IQSEC1: variants seen among roughly 807,000 people sequenced by gnomAD.
IQSEC1 encodes IQ motif and Sec7 domain ArfGEF 1.
A neutral mutation model predicts 91.0 loss-of-function variants in IQSEC1; 31 were observed. That is an observed-to-expected ratio of 0.34 (90% CI 0.26 to 0.46). The LOEUF (loss-of-function observed/expected upper bound fraction) is 0.46, where lower values mean the gene tolerates loss of function less well. Among genes scored for constraint, IQSEC1 ranks in the 20% least tolerant of loss-of-function variants. IQSEC1 has a pLI of 1.00. For missense variants in IQSEC1, 1,388 were observed against 1,575.6 expected (o/e 0.88, Z 2.02); for synonymous variants, 699 against 662.6 (o/e 1.05, Z -0.84).
intron 1 of IQSEC1, among the ~76,000 whole-genome samples, chr3:13,060,417 G>A (rs1030530712): frequency 1.3e-5 from 2 of 152,196 alleles, no homozygotes; most frequent in African/African-American, 2.4e-5. Context: ...GGCTGGATCC[G>A]GGTTTGAAGT....
At chr3:13,204,795 ATCTT>A (rs1199239107) in intron 1 of IQSEC1, among the ~76,000 whole-genome samples, 10 of 127,816 alleles carry the variant, frequency 7.8e-5, no homozygotes, top group African/African-American at 2.6e-4. Context: ...TTCTCTTTCT[ATCTT>A]TCTTTCTTTT....
chr3:13,202,565 G>A (rs996893950), intron 1 of IQSEC1, among the ~76,000 whole-genome samples: 14 of 152,164 alleles, frequency 9.2e-5, no homozygotes, highest in African/African-American at 3.4e-4. Context: ...CCCTAGATGA[G>A]GTCCCTGGAG....
At chr3:13,068,361 C>T (rs1705305471) in intron 1 of IQSEC1, among the ~76,000 whole-genome samples, 1 of 152,246 alleles carries the variant, frequency 6.6e-6, no homozygotes, top group South Asian at 2.1e-4. Flanking sequence ...CAGACAGGGT[C>T]TCTAAGTCCC....
At chr3:13,240,581 C>T (rs1045957527) in intron 1 of IQSEC1, among the ~76,000 whole-genome samples, 1 of 152,164 alleles carries the variant, frequency 6.6e-6, no homozygotes, top group Non-Finnish European at 1.5e-5. Context: ...GAGGGTCTCA[C>T]GGGCTGCAGT....
In IQSEC1 at chr3:12,941,850, G is replaced by A; in HGVS notation, c.39C>T (p.Ala13=). Residue 13 remains alanine (A), a synonymous_variant, in exon 2 of 14, where the codon GCC becomes GCT. Transcript: ENST00000613206. ...CRRRYFVEGE[A]PSSETGTSLD... is the part of the protein sequence containing the mutation. ...GGGATGTGCCAGTCTCACTGCTGGG[G>A]GCCTCGCCCTCGACGCTGCAGAGGA... is the stretch of plus-strand genomic sequence containing the variant. The A allele has an allele frequency of 6.2e-7, 1 of 1,601,976 alleles. No individual in the cohort carries two copies. The highest frequency in any genetic ancestry group is 8.5e-7 in the Non-Finnish European group (1 of 1,174,766).
In IQSEC1 at chr3:13,106,166, C is replaced by A. The variant is rs184334344; in HGVS notation, c.302+57938G>T. On this transcript the variant is annotated intron_variant, in intron 2 of 15. Transcript: ENST00000648114. ...GAGAGGAATCCATATCCAGCTACTG[C>A]CCAGAAGCCTTCCATAATCTCAGCC... Among the ~76,000 whole-genome samples the A allele has an allele frequency of 2.1e-3, 318 of 152,304 alleles. 1 individual carries two copies. Among genetic ancestry groups the A allele is most frequent in the African/African-American group, 7.4e-3 (306 of 41,554 alleles).
At chr3:13,203,607 CAAA>C (rs1454290678) in intron 1 of IQSEC1, among the ~76,000 whole-genome samples, 1 of 152,208 alleles carries the variant, frequency 6.6e-6, no homozygotes, top group Admixed American at 6.5e-5. Flanking sequence ...CACGAATCAG[CAAA>C]CCCCACCAGC....
chr3:12,947,163 C>T (rs543123169), intron 1 of IQSEC1, among the ~76,000 whole-genome samples: 14 of 152,242 alleles, frequency 9.2e-5, no homozygotes, highest in Non-Finnish European at 1.9e-4. Flanking sequence ...AAGCCTCTGA[C>T]AGGCTGACAA....
At chr3:13,233,609 TA>T (rs1694871470) in intron 1 of IQSEC1, among the ~76,000 whole-genome samples, 1 of 152,172 alleles carries the variant, frequency 6.6e-6, no homozygotes, top group Admixed American at 6.5e-5. Flanking sequence ...CAGCTCGACA[TA>T]ACCCCACTCT....
intron 1 of IQSEC1, among the ~76,000 whole-genome samples, chr3:13,021,669 G>T (rs1703403815): frequency 6.6e-6 from 1 of 152,212 alleles, no homozygotes; most frequent in Admixed American, 6.5e-5. Flanking sequence ...ACCAAGCGCT[G>T]AAGGGACGCG....
Position 12,897,191 on chromosome 3 carries a change from C to T in IQSEC1, c.*3792G>A, listed in dbSNP as rs1693731250. 6.6e-6 allele frequency: 1 copy of T among 152,226 alleles called. No individual in the cohort carries two copies. Among genetic ancestry groups the T allele is most frequent in the Non-Finnish European group, 1.5e-5 (1 of 68,038 alleles). The allele number at this position is 152,226 out of a possible 1,614,324, so 9.4% of individuals were successfully genotyped here. On this transcript the variant is annotated 3_prime_UTR_variant, in exon 14 of 14. Coordinates refer to ENST00000613206, the MANE Select transcript of IQSEC1 (RefSeq NM_001134382.3). ...CTGGGTCTGGCCAACAGGGCAACTT[C>T]TGGACTTTTCAGAAAAAGTGAGAAT...
Position 12,899,522 on chromosome 3 carries a change from A to G in IQSEC1, c.*1461T>C, listed in dbSNP as rs1273641379. ...GGAGCGCATGGTGTCACCACAACAC[A>G]GAAGCGACAAGAGCACAGCTGAGAG... On this transcript the variant is annotated 3_prime_UTR_variant, in exon 14 of 14. Coordinates refer to ENST00000613206, the MANE Select transcript of IQSEC1 (RefSeq NM_001134382.3). 7 of 1,537,914 alleles carry G rather than the reference A, an allele frequency of 4.6e-6. No individual in the cohort carries two copies. In the Admixed American group the frequency reaches 1.4e-4, roughly 31 times the overall value.
At chr3:13,185,751 C>G (rs566638351) in intron 1 of IQSEC1, among the ~76,000 whole-genome samples, 1 of 152,354 alleles carries the variant, frequency 6.6e-6, no homozygotes, top group East Asian at 1.9e-4. Context: ...ATGCTTTTTA[C>G]ACTGCATCCT....
At chr3:13,048,225 G>A (rs360899) in intron 1 of IQSEC1, among the ~76,000 whole-genome samples, 56,418 of 152,114 alleles carry the variant, frequency 0.37, 11,482 homozygotes, top group East Asian at 0.65. Context: ...CAGGGGCAAC[G>A]AATGCATCTG....
intron 2 of IQSEC1, among the ~76,000 whole-genome samples, chr3:13,126,432 T>C (rs1430484853): frequency 7.9e-5 from 12 of 152,190 alleles, no homozygotes; most frequent in Non-Finnish European, 1.3e-4. Context: ...CTTTGAGGGG[T>C]ATCTGGTCAC....
chr3:12,995,784 C>G (rs1702203759), intron 1 of IQSEC1, among the ~76,000 whole-genome samples: 1 of 152,360 alleles, frequency 6.6e-6, no homozygotes, highest in Admixed American at 6.5e-5. Flanking sequence ...GTGCTCACAG[C>G]CAACTGTACA....
At chr3:12,958,485 A>G (rs951831048) in intron 1 of IQSEC1, among the ~76,000 whole-genome samples, 1 of 152,158 alleles carries the variant, frequency 6.6e-6, no homozygotes, top group Non-Finnish European at 1.5e-5. Context: ...AATAACACAC[A>G]CAAAATCCTC....
At chr3:13,212,857 A>T (rs1694472362) in intron 1 of IQSEC1, among the ~76,000 whole-genome samples, 1 of 152,128 alleles carries the variant, frequency 6.6e-6, no homozygotes, top group Non-Finnish European at 1.5e-5. Context: ...CCCATTTTAA[A>T]ATCAGGTGAT....
intron 1 of IQSEC1, among the ~76,000 whole-genome samples, chr3:12,985,383 C>T (rs1010318539): frequency 6.6e-6 from 1 of 152,166 alleles, no homozygotes; most frequent in Non-Finnish European, 1.5e-5. Context: ...TCCCCAGGCC[C>T]CGCCCTTGCT....
Sources: gnomAD v4.1 joint callset for allele counts (sites outside exome capture counted in the v4.1 genomes callset) on GRCh38, gnomAD v4.1.1 for gene constraint, MANE v1.5 for transcripts, NCBI Gene and HGNC (gene_info 2026-07-23, HGNC 2026-07-21) for gene names.